The following ZNF862 variants were observed in gnomAD, a reference collection of about 807,000 sequenced individuals.
ZNF862 encodes the protein zinc finger protein 862.
In ZNF862, 64 loss-of-function variants were observed where a neutral mutation model predicts 91.1. The ratio of observed to expected loss-of-function variants is 0.70; its 90% CI spans 0.57 to 0.87. The LOEUF is 0.87. ZNF862 is among the 40% of genes least tolerant of loss of function. ZNF862 has a pLI of 0.00. For synonymous variants in ZNF862, 631 were observed against 618.1 expected, an observed-to-expected ratio of 1.02 and a Z score of -0.31; for missense variants, 1,459 against 1,528.0, an observed-to-expected ratio of 0.95 and a Z score of 0.75.
In ZNF862 at chr7:149,860,446, T is replaced by G; in HGVS notation, c.1286T>G (p.Leu429Trp). The change falls in exon 7 of 8, where the codon TTG becomes TGG. Residue 429 changes from leucine (L) to tryptophan (W), a missense_variant. By Grantham distance (61) the Leu-to-Trp change is moderately conservative. Transcript: ENST00000223210. The part of the protein sequence containing the change: ...DTQASAADSA[L>W]LPGSPVEARA... ...CAGGCCTCGGCTGCAGACTCCGCGT[T>G]GCTTCCAGGCTCTCCCGTGGAGGCC... 1 of 1,613,982 alleles carries G rather than the reference T, an allele frequency of 6.2e-7. No homozygotes were observed. Among genetic ancestry groups the G allele is most frequent in the Non-Finnish European group, 8.5e-7 (1 of 1,179,878 alleles).
In ZNF862 at chr7:149,849,673, G is replaced by T. The variant is rs77237831; in HGVS notation, c.940-488G>T. Among the ~76,000 whole-genome samples the T allele has an allele frequency of 7.8e-3, 1,190 of 152,296 alleles. 9 individuals are homozygous for T. Among genetic ancestry groups the T allele is most frequent in the African/African-American group, 0.028 (1,153 of 41,546 alleles). ...CTGTTCCTGATATTTTTTAGTATTA[G>T]AAGCTAATGAACCGATGTAACCTTT... On this transcript the variant is annotated intron_variant, in intron 4 of 7. Transcript: ENST00000223210.
chr7:149,842,080 A>AT (rs1231655821), intron 1 of ZNF862, among the ~76,000 whole-genome samples: 1 of 152,188 alleles, frequency 6.6e-6, no homozygotes, highest in African/African-American at 2.4e-5. Context: ...CTTGCTCAGG[A>AT]GAAGGATAAA....
chr7:149,843,462 C>A (rs1170219172), intron 1 of ZNF862, among the ~76,000 whole-genome samples: 11 of 152,116 alleles, frequency 7.2e-5, no homozygotes, highest in Non-Finnish European at 1.0e-4. Context: ...TGTTGCGTGG[C>A]TGTGGTACCT....
At chr7:149,847,461 G>A (rs751718793) in intron 3 of ZNF862, among the ~76,000 whole-genome samples, 5 of 152,046 alleles carry the variant, frequency 3.3e-5, no homozygotes, top group African/African-American at 7.2e-5. Context: ...CCTTTTGGCC[G>A]GTTGTATCTG....
chr7:149,840,229 A>T (rs1281252327), intron 1 of ZNF862, among the ~76,000 whole-genome samples: 1 of 150,652 alleles, frequency 6.6e-6, no homozygotes, highest in Non-Finnish European at 1.5e-5. Flanking sequence ...ATTTAAAAAT[A>T]CAAAACCTCA....
chr7:149,848,851 T>C (rs1406543929), intron 4 of ZNF862, among the ~76,000 whole-genome samples: 5 of 152,230 alleles, frequency 3.3e-5, no homozygotes, highest in African/African-American at 1.2e-4. Context: ...TCACCCAGGC[T>C]GGACTGTGGT....
chr7:149,842,286 G>A (rs192449535), intron 1 of ZNF862, among the ~76,000 whole-genome samples: 19 of 152,196 alleles, frequency 1.2e-4, no homozygotes, highest in Admixed American at 1.1e-3. Flanking sequence ...CATTCCAAGC[G>A]AGGCAATGCA....
chr7:149,842,120 C>T (rs1395976211), intron 1 of ZNF862, among the ~76,000 whole-genome samples: 1 of 152,062 alleles, frequency 6.6e-6, no homozygotes, highest in Non-Finnish European at 1.5e-5. Context: ...GGAAATCCTT[C>T]CTGAAAGAGA....
intron 5 of ZNF862, among the ~76,000 whole-genome samples, chr7:149,857,048 T>C (rs1025390335): frequency 2.6e-5 from 4 of 152,230 alleles, no homozygotes; most frequent in African/African-American, 9.6e-5. Flanking sequence ...TGTTCTACTC[T>C]GAAAGCTTTT....
Position 149,862,128 on chromosome 7 carries a change from C to T in ZNF862, c.2968C>T (p.Leu990=), listed in dbSNP as rs201914631. 4.1e-4 allele frequency: 655 copies of T among 1,613,546 alleles called. 8 individuals are homozygous for T. In the African/African-American group the frequency reaches 7.8e-3, roughly 19 times the overall value. The change falls in exon 7 of 8, where the codon CTG becomes TTG. Residue 990 remains leucine (L), a synonymous_variant. Transcript: ENST00000223210. ...AACAGGATACAGTGAGGAAGCTCTG[C>T]TGGAGGAGTGGCTGGGCCTGAAAAC... ...LPTGYSEEAL[L]EEWLGLKTIA...
intron 5 of ZNF862, chr7:149,858,368 G>T (rs1056855718): frequency 4.6e-5 from 7 of 151,876 alleles, no homozygotes; most frequent in African/African-American, 1.7e-4. Flanking sequence ...ATTTTAAGAA[G>T]GATATATGTT....
At chr7:149,854,467 G>A (rs1802186067) in intron 5 of ZNF862, among the ~76,000 whole-genome samples, 1 of 152,194 alleles carries the variant, frequency 6.6e-6, no homozygotes, top group South Asian at 2.1e-4. Context: ...TGATATCAGG[G>A]TTGAGTTTCC....
chr7:149,864,114 A>G lies in ZNF862; in HGVS notation c.3340A>G (p.Arg1114Gly), dbSNP rs779910788. The G allele has an allele frequency of 2.5e-5, 39 of 1,578,504 alleles. No individual in the cohort carries two copies. In the Middle Eastern group the frequency reaches 7.2e-4, roughly 29 times the overall value. ...TTCTCCTTCCTCCCTCACAGGCGCC[A>G]GGCTCAGGAAGGAGGAGATGGGAGC... ...QVPARSPASA[R>G]LRKEEMGALY... Residue 1114 changes from arginine to glycine, a missense_variant, in exon 8 of 8, where the codon AGG (arginine) becomes GGG (glycine). Transcript: ENST00000223210.
rs753143741 is a variant in ZNF862 at position 149,862,060 on chromosome 7, A to G, written c.2900A>G (p.Asp967Gly). The G allele has an allele frequency of 6.2e-7, 1 of 1,613,766 alleles. No homozygotes were observed. The highest frequency in any genetic ancestry group is 1.1e-5 in the South Asian group (1 of 91,084). The change falls in exon 7 of 8, where the codon GAT becomes GGT. Residue 967 changes from aspartate to glycine, a missense_variant. Transcript: ENST00000223210. Reference sequence around the variant, plus strand: ...ATTGAACTTGCCAGTTTTGGGAATGATGACATTCTCAACCTGGCCAGGTAT... The same window carrying G: ...ATTGAACTTGCCAGTTTTGGGAATGGTGACATTCTCAACCTGGCCAGGTAT... ...SGIELASFGN[D>G]DILNLARYFE... is the part of the protein sequence containing the mutation.
chr7:149,854,403 A>G (rs758754320), intron 5 of ZNF862, among the ~76,000 whole-genome samples: 1 of 152,218 alleles, frequency 6.6e-6, no homozygotes, highest in Non-Finnish European at 1.5e-5. Context: ...GGCTATAGAG[A>G]CATTTTGGGG....
chr7:149,843,171 A>C (rs1471043939), intron 1 of ZNF862, among the ~76,000 whole-genome samples: 1 of 152,206 alleles, frequency 6.6e-6, no homozygotes, highest in African/African-American at 2.4e-5. Flanking sequence ...TGCAGTCAAC[A>C]TGAGAAAAAT....
intron 5 of ZNF862, among the ~76,000 whole-genome samples, chr7:149,853,443 T>C (rs1802138470): frequency 6.6e-6 from 1 of 152,228 alleles, no homozygotes; most frequent in South Asian, 2.1e-4. Context: ...CTCCATTTCA[T>C]TTGTTTGGAA....
At chr7:149,846,066 ATACCTC>A in intron 2 of ZNF862, 79 bp from the exon 3 acceptor site, 1 of 942,868 alleles carries the variant, frequency 1.1e-6, no homozygotes, top group Non-Finnish European at 1.7e-6. Flanking sequence ...TCGCAGACAG[ATACCTC>A]CTTCGTGTTG....
chr7:149,856,582 C>T (rs1054438501), intron 5 of ZNF862, among the ~76,000 whole-genome samples: 5 of 152,178 alleles, frequency 3.3e-5, no homozygotes, highest in Non-Finnish European at 5.9e-5. Context: ...AAAACTCCTC[C>T]GAAGAGTCTT....
Sources: gnomAD v4.1 joint callset for allele counts (sites outside exome capture counted in the v4.1 genomes callset) on GRCh38, gnomAD v4.1.1 for gene constraint, MANE v1.5 for transcripts, NCBI Gene and HGNC (gene_info 2026-07-23, HGNC 2026-07-21) for gene names.